NACC2: variants seen among roughly 807,000 people sequenced by gnomAD.
NACC2 encodes the protein nucleus accumbens-associated protein 2.
In NACC2, 8 loss-of-function variants were observed where a neutral mutation model predicts 25.1. That is an observed-to-expected ratio of 0.32 (90% CI 0.19 to 0.57). NACC2 has a LOEUF of 0.57. NACC2 is among the 20% of genes least tolerant of loss of function. NACC2 has a pLI of 0.89. For synonymous variants in NACC2, 435 were observed against 294.7 expected (o/e 1.48, Z -4.88); for missense variants, 644 against 650.2 (o/e 0.99, Z 0.10).
intron 2 of NACC2, among the ~76,000 whole-genome samples, chr9:136,047,022 G>A (rs1840740834): frequency 6.6e-6 from 1 of 152,150 alleles, no homozygotes; most frequent in Admixed American, 6.5e-5. Flanking sequence ...CAATCGCTCA[G>A]GCCCGCCTCT....
intron 2 of NACC2, among the ~76,000 whole-genome samples, chr9:136,042,150 G>A (rs1201827907): frequency 6.6e-6 from 1 of 152,030 alleles, no homozygotes; most frequent in African/African-American, 2.4e-5. Context: ...CACCACACTG[G>A]CTAATTTTTG....
Position 136,031,571 on chromosome 9 carries a change from C to T in NACC2, c.887-15142G>A, listed in dbSNP as rs184841870. Among the ~76,000 whole-genome samples the T allele has an allele frequency of 6.6e-3, 1,009 of 152,242 alleles. 16 individuals are homozygous for T. The highest frequency in any genetic ancestry group is 0.023 in the African/African-American group (970 of 41,536). On this transcript the variant is annotated intron_variant, in intron 2 of 5. Coordinates refer to ENST00000277554, the MANE Select transcript of NACC2 (RefSeq NM_144653.5). ...CAGGCTGGTCTCGAACTCCTGAGCT[C>T]AAGTGATCCACCCGCCTCGGCCTCC... is the stretch of plus-strand genomic sequence containing the variant.
At chr9:136,088,176 G>A (rs574785082) in intron 1 of NACC2, among the ~76,000 whole-genome samples, 176 of 152,316 alleles carry the variant, frequency 1.2e-3, no homozygotes, top group African/African-American at 3.8e-3. Flanking sequence ...CAGGGTCAGC[G>A]GAATTTTGCT....
chr9:136,026,082 G>A (rs1387874271), intron 2 of NACC2, among the ~76,000 whole-genome samples: 1 of 152,054 alleles, frequency 6.6e-6, no homozygotes, highest in Non-Finnish European at 1.5e-5. Context: ...GCTCACACCT[G>A]TAACCCCAGC....
chr9:136,047,519 A>G (rs1840748713), intron 2 of NACC2, among the ~76,000 whole-genome samples: 1 of 152,162 alleles, frequency 6.6e-6, no homozygotes, highest in African/African-American at 2.4e-5. Context: ...CCTCGCTGGC[A>G]TCAGCGACAC....
chr9:136,047,497 G>A (rs1054176678), intron 2 of NACC2, among the ~76,000 whole-genome samples: 2 of 152,078 alleles, frequency 1.3e-5, no homozygotes, highest in Admixed American at 6.5e-5. Flanking sequence ...CCTCCCAGCC[G>A]CCCACTTTCC....
chr9:136,066,671 G>A (rs1018326725), intron 1 of NACC2, among the ~76,000 whole-genome samples: 5 of 152,274 alleles, frequency 3.3e-5, no homozygotes, highest in South Asian at 2.1e-4. Context: ...GCATCCACAC[G>A]CAAACTTGTT....
rs762599790 is a variant in NACC2 at position 136,055,731 on chromosome 9, T to G, written c.-59-5151A>C. Among the ~76,000 whole-genome samples the G allele has an allele frequency of 1.3e-5, 2 of 152,234 alleles. No individual in the cohort carries two copies. The highest frequency in any genetic ancestry group is 2.9e-5 in the Non-Finnish European group (2 of 68,040). Reference sequence around the variant, plus strand: ...TGGACCTCAGCAAATGCACAGCCATTAAACACGTGGTAGAGGAAGGAGAGA... The same window carrying G: ...TGGACCTCAGCAAATGCACAGCCATGAAACACGTGGTAGAGGAAGGAGAGA... On this transcript the variant is annotated intron_variant, in intron 1 of 5. Coordinates refer to ENST00000277554, the MANE Select transcript of NACC2 (RefSeq NM_144653.5). This position sits in a 1 kb window ranked among gnomAD's most constrained non-coding sequence, Gnocchi z 4.9.
rs56102761 is a variant in NACC2 at position 136,007,465 on chromosome 9, GCA to G, written c.*4049_*4050del. 65,750 of 150,172 alleles carry G rather than the reference GCA, an allele frequency of 0.44. 14,097 individuals carry two copies. Among genetic ancestry groups the G allele is most frequent in the Non-Finnish European group, 0.46 (30,902 of 66,896 alleles). The allele number at this position is 150,172 out of a possible 1,614,324, so 9.3% of individuals were successfully genotyped here. On this transcript the variant is annotated 3_prime_UTR_variant, in exon 6 of 6. Coordinates refer to ENST00000277554, the MANE Select transcript of NACC2 (RefSeq NM_144653.5). ...CGCGCACACACACGCGCACACAGACGCACACACACAGACGCACACACGCACAG... is the reference window on the plus strand; with the variant it reads ...CGCGCACACACACGCGCACACAGACGCACACACAGACGCACACACGCACAG...
rs1840151742 is a variant in NACC2 at position 136,013,785 on chromosome 9, G to A, written c.1157+79C>T. On this transcript the variant is annotated intron_variant, in intron 4 of 5. Transcript: ENST00000277554. The surrounding 1 kb of genome is among the most constrained non-coding windows in gnomAD (Gnocchi z 6.6). The stretch of plus-strand genomic sequence containing the variant: ...GGCTTTCAATGCCACAACCCTGGAC[G>A]ATCAGACAGCTCATAGCTAAAGGAG... 6.2e-6 allele frequency: 8 copies of A among 1,289,048 alleles called. No individual in the cohort carries two copies. The East Asian group carries it at 7.3e-5, about 12-fold the overall frequency. 79.9% of individuals were successfully genotyped at this position (1,289,048 alleles called of 1,614,324 possible).
Position 136,049,728 on chromosome 9 carries a change from T to A in NACC2, c.794A>T (p.Asn265Ile), listed in dbSNP as rs1445393017. The A allele has an allele frequency of 5.1e-6, 4 of 778,864 alleles. No individual in the cohort carries two copies. Among genetic ancestry groups the A allele is most frequent in the Non-Finnish European group, 9.6e-6 (4 of 417,404 alleles). 48.2% of individuals were successfully genotyped at this position (778,864 alleles called of 1,614,324 possible). ...CTCGTCGTCCTCCTCGTCCTCCTCG[T>A]TGTGGTACGAGGTGGGGCTGTCGGT... ...PTTDSPTSYH[N>I]EEDEEDDEAY... The change falls in exon 2 of 6, where the codon AAC (asparagine) becomes ATC (isoleucine). Residue 265 changes from asparagine to isoleucine, a missense_variant. By Grantham distance (149) the Asn-to-Ile change is moderately radical. Coordinates refer to ENST00000277554, the MANE Select transcript of NACC2 (RefSeq NM_144653.5).
chr9:136,038,463 C>T (rs900278961), intron 2 of NACC2, among the ~76,000 whole-genome samples: 2 of 152,110 alleles, frequency 1.3e-5, no homozygotes, highest in Non-Finnish European at 2.9e-5. Flanking sequence ...TGGCTTGAGC[C>T]CGGGAGGCAG....
intron 5 of NACC2, among the ~76,000 whole-genome samples, chr9:136,012,916 G>T (rs1441428638): frequency 6.6e-6 from 1 of 152,238 alleles, no homozygotes; most frequent in Non-Finnish European, 1.5e-5. Flanking sequence ...TAAATAAGGG[G>T]TTTTGTTCAA....
At chr9:136,052,092 A>C (rs1473872041) in intron 1 of NACC2, among the ~76,000 whole-genome samples, 2 of 152,180 alleles carry the variant, frequency 1.3e-5, no homozygotes, top group African/African-American at 4.8e-5. Context: ...TTGGGAGCCG[A>C]AGTAAATGCC....
At chr9:136,053,494 A>G (rs1396929057) in intron 1 of NACC2, among the ~76,000 whole-genome samples, 2 of 149,904 alleles carry the variant, frequency 1.3e-5, no homozygotes, top group African/African-American at 4.9e-5. Flanking sequence ...CCCAGCTGTC[A>G]CCCTCCCCGC....
intron 1 of NACC2, among the ~76,000 whole-genome samples, chr9:136,079,703 G>C (rs926293251): frequency 9.9e-5 from 15 of 152,248 alleles, no homozygotes; most frequent in Non-Finnish European, 1.9e-4. Flanking sequence ...CCAGAGCCCT[G>C]GAGCGTGGCT....
Position 136,006,604 on chromosome 9 carries a change from A to ACATCCTTTT in NACC2, c.*4903_*4911dup, listed in dbSNP as rs1378517357. ...ACAAAGCGCTTTACAATTAATGATC[A>ACATCCTTTT]CATCCTTTTGTTTGTCATGGATTTC... On this transcript the variant is annotated 3_prime_UTR_variant, in exon 6 of 6. Coordinates refer to ENST00000277554, the MANE Select transcript of NACC2 (RefSeq NM_144653.5). 5.3e-5 allele frequency: 8 copies of ACATCCTTTT among 152,268 alleles called. No individual in the cohort carries two copies. Among genetic ancestry groups the ACATCCTTTT allele is most frequent in the African/African-American group, 1.9e-4 (8 of 41,470 alleles). 9.4% of individuals were successfully genotyped at this position (152,268 alleles called of 1,614,324 possible).
intron 2 of NACC2, among the ~76,000 whole-genome samples, chr9:136,041,095 A>AAAAGAAAGGAAGG (rs1840623320): frequency 1.4e-5 from 2 of 146,342 alleles, no homozygotes; most frequent in South Asian, 4.3e-4. Context: ...GAAGCAAAGG[A>AAAAGAAAGGAAGG]AAGGAAAGGA....
chr9:136,059,226 C>T (rs1220306083), intron 1 of NACC2, among the ~76,000 whole-genome samples: 1 of 152,328 alleles, frequency 6.6e-6, no homozygotes, highest in Non-Finnish European at 1.5e-5. Context: ...GGACTAGGGA[C>T]ACCCTCAGGG....
Sources: gnomAD v4.1 joint callset for allele counts (sites outside exome capture counted in the v4.1 genomes callset) on GRCh38, gnomAD v4.1.1 for gene constraint, Gnocchi (gnomAD v3.1) non-coding constraint, MANE v1.5 for transcripts, NCBI Gene and HGNC (gene_info 2026-07-23, HGNC 2026-07-21) for gene names.